The following SGCZ variants were observed in gnomAD, a reference collection of about 807,000 sequenced individuals.
SGCZ encodes the protein sarcoglycan zeta, also known as zeta-sarcoglycan.
SGCZ carries 40 observed loss-of-function variants against 41.3 expected under a neutral mutation model. The ratio of observed to expected loss-of-function variants is 0.97; its 90% CI spans 0.75 to 1.26. The LOEUF is 1.26. Ranked by LOEUF, SGCZ falls within the 50% of genes most tolerant of loss-of-function variation. SGCZ has a pLI of 0.00. For missense variants in SGCZ, 552 were observed against 369.8 expected, an observed-to-expected ratio of 1.49 and a Z score of -4.04; for synonymous variants, 206 against 137.5, an observed-to-expected ratio of 1.50 and a Z score of -3.49.
At chr8:14,577,968 T>C (rs556249976) in intron 1 of SGCZ, among the ~76,000 whole-genome samples, 5 of 152,188 alleles carry the variant, frequency 3.3e-5, no homozygotes, top group Non-Finnish European at 7.4e-5. Context: ...TTCAGCAGAA[T>C]GAGCTTGATA....
chr8:14,256,915 C>T (rs1368904294), intron 3 of SGCZ, among the ~76,000 whole-genome samples: 3 of 152,134 alleles, frequency 2.0e-5, no homozygotes, highest in African/African-American at 7.2e-5. Context: ...ACGGCCAGAA[C>T]ACTGAGTTAG....
At chr8:15,126,698 C>T (rs994473567) in intron 1 of SGCZ, among the ~76,000 whole-genome samples, 2 of 152,124 alleles carry the variant, frequency 1.3e-5, no homozygotes, top group African/African-American at 4.8e-5. Flanking sequence ...TGAGGCACAA[C>T]AGGAAGAGTG....
intron 2 of SGCZ, among the ~76,000 whole-genome samples, chr8:14,412,066 C>T (rs1250186280): frequency 6.6e-6 from 1 of 151,982 alleles, no homozygotes; most frequent in Non-Finnish European, 1.5e-5. Context: ...CCAGTGTTGA[C>T]CTCAAAATTG....
chr8:14,263,992 C>T (rs28406919), intron 3 of SGCZ, among the ~76,000 whole-genome samples: 20,574 of 152,158 alleles, frequency 0.14, 2,269 homozygotes, highest in East Asian at 0.29. Flanking sequence ...AGGCCACGGC[C>T]CACAGACAGA....
intron 4 of SGCZ, among the ~76,000 whole-genome samples, chr8:14,194,350 G>A (rs538941813): frequency 7.2e-5 from 11 of 151,816 alleles, no homozygotes; most frequent in Non-Finnish European, 1.6e-4. Flanking sequence ...AGTCACCCCA[G>A]CTAGTGAAGA....
At chr8:14,897,037 C>T (rs2130752820) in intron 1 of SGCZ, among the ~76,000 whole-genome samples, 1 of 152,242 alleles carries the variant, frequency 6.6e-6, no homozygotes, top group South Asian at 2.1e-4. Context: ...CTGCCTCAGC[C>T]TCCCAAAGTG....
chr8:14,607,248 G>C (rs568603376), intron 1 of SGCZ, among the ~76,000 whole-genome samples: 1 of 152,132 alleles, frequency 6.6e-6, no homozygotes, highest in South Asian at 2.1e-4. Context: ...TTTCCCAATG[G>C]TCATCCCCAT....
chr8:14,235,593 C>A (rs1425820471), intron 4 of SGCZ, among the ~76,000 whole-genome samples: 1 of 152,190 alleles, frequency 6.6e-6, no homozygotes, highest in Non-Finnish European at 1.5e-5. Context: ...AGTATTTGCA[C>A]TTCACGTAAT....
intron 1 of SGCZ, among the ~76,000 whole-genome samples, chr8:14,936,267 C>G (rs182063258): frequency 5.3e-5 from 8 of 151,930 alleles, no homozygotes; most frequent in Admixed American, 5.2e-4. Flanking sequence ...CTGATAAACC[C>G]ATCATAATTT....
At chr8:14,926,767 A>C (rs1177178658) in intron 1 of SGCZ, among the ~76,000 whole-genome samples, 3 of 151,924 alleles carry the variant, frequency 2.0e-5, no homozygotes, top group Admixed American at 2.0e-4. Flanking sequence ...CAGCCTCCCA[A>C]GTAGCTGGGA....
chr8:14,143,000 A>AG (rs889566018), intron 5 of SGCZ, among the ~76,000 whole-genome samples: 2 of 55,100 alleles, frequency 3.6e-5, no homozygotes, highest in African/African-American at 1.4e-4. Context: ...TTTATAAATT[A>AG]AAAAAAAAAA....
chr8:14,854,021 T>TTATATATATATATATATATA (rs10604213), intron 1 of SGCZ, among the ~76,000 whole-genome samples: 1 of 107,670 alleles, frequency 9.3e-6, no homozygotes, highest in Non-Finnish European at 2.0e-5. Context: ...TGTGATTATA[T>TTATATATATATATATATATA]TATATATATA....
At chr8:14,101,961 C>T (rs1048315402) in intron 7 of SGCZ, among the ~76,000 whole-genome samples, 5 of 151,658 alleles carry the variant, frequency 3.3e-5, no homozygotes, top group African/African-American at 1.2e-4. Flanking sequence ...TGGTATGAAG[C>T]AAGCTCCGCC....
intron 1 of SGCZ, among the ~76,000 whole-genome samples, chr8:15,228,854 C>G (rs572005039): frequency 2.6e-5 from 4 of 152,294 alleles, no homozygotes; most frequent in African/African-American, 9.6e-5. Context: ...ACTGGATACT[C>G]ACAGCACAGT....
chr8:14,321,691 C>T (rs1339957583), intron 3 of SGCZ, among the ~76,000 whole-genome samples: 1 of 152,110 alleles, frequency 6.6e-6, no homozygotes, highest in Non-Finnish European at 1.5e-5. Flanking sequence ...TTTCTCTCAG[C>T]TTCACTGAAT....
intron 2 of SGCZ, among the ~76,000 whole-genome samples, chr8:14,423,247 G>T (rs1799684330): frequency 1.3e-5 from 2 of 151,512 alleles, no homozygotes; most frequent in African/African-American, 4.9e-5. Context: ...CACCAGCATG[G>T]CACATGTATA....
chr8:14,312,099 GTCATGAAA>G (rs1801567217), intron 3 of SGCZ, among the ~76,000 whole-genome samples: 1 of 152,074 alleles, frequency 6.6e-6, no homozygotes, highest in Non-Finnish European at 1.5e-5. Context: ...ATATCAAAGG[GTCATGAAA>G]TCATTTAGTT....
chr8:14,719,891 G>C (rs1350628477), intron 1 of SGCZ, among the ~76,000 whole-genome samples: 2 of 151,974 alleles, frequency 1.3e-5, no homozygotes, highest in Admixed American at 1.3e-4. Flanking sequence ...GGCTTTTGTT[G>C]CCATTGCTTT....
intron 1 of SGCZ, among the ~76,000 whole-genome samples, chr8:15,145,877 T>C (rs996473497): frequency 6.6e-6 from 1 of 152,162 alleles, no homozygotes; most frequent in Non-Finnish European, 1.5e-5. Flanking sequence ...AACACATATA[T>C]TTATCTCCTC....
Sources: allele counts gnomAD v4.1 joint callset (sites outside exome capture counted in the v4.1 genomes callset), GRCh38; gene constraint gnomAD v4.1.1; transcripts MANE v1.5; gene names NCBI Gene and HGNC (gene_info 2026-07-23, HGNC 2026-07-21).